Variants in SVOP observed in about 807,000 individuals in gnomAD.
The protein encoded by SVOP is synaptic vesicle 2-related protein.
In SVOP, 17 loss-of-function variants were observed where a neutral mutation model predicts 69.1. The ratio of observed to expected loss-of-function variants is 0.25; its 90% CI spans 0.17 to 0.37. SVOP has a LOEUF of 0.37. Among genes scored for constraint, SVOP ranks in the 10% least tolerant of loss-of-function variants. The pLI, the probability that SVOP is intolerant of heterozygous loss-of-function variation, is 1.00. For missense variants in SVOP, 435 were observed against 597.5 expected (o/e 0.73, Z 2.84); for synonymous variants, 238 against 238.6 (o/e 1.00, Z 0.02).
chr12:109,002,583 A>T (rs2040278318), intron 1 of SVOP, among the ~76,000 whole-genome samples: 1 of 150,540 alleles, frequency 6.6e-6, no homozygotes, highest in African/African-American at 2.4e-5. Flanking sequence ...GATAGACTGG[A>T]TTAAGAAAAT....
chr12:108,983,110 C>A (rs890769429), intron 2 of SVOP, among the ~76,000 whole-genome samples: 3 of 150,534 alleles, frequency 2.0e-5, no homozygotes, highest in South Asian at 2.1e-4. Context: ...TCACCATCAT[C>A]ATAATCACCA....
chr12:108,952,692 A>C (rs922034706), intron 6 of SVOP, among the ~76,000 whole-genome samples: 5 of 152,088 alleles, frequency 3.3e-5, no homozygotes, highest in Admixed American at 6.6e-5. Context: ...AGCCCATCTC[A>C]ACAAAAAATT....
chr12:108,997,153 C>T (rs1402445326), intron 1 of SVOP, among the ~76,000 whole-genome samples: 1 of 151,320 alleles, frequency 6.6e-6, no homozygotes, highest in African/African-American at 2.4e-5. Context: ...ACTTGGGAAG[C>T]GCAAGGGGTC....
intron 11 of SVOP, among the ~76,000 whole-genome samples, chr12:108,924,860 T>C (rs543604106): frequency 2.6e-5 from 4 of 152,254 alleles, no homozygotes; most frequent in Non-Finnish European, 4.4e-5. Flanking sequence ...CTGACCACCA[T>C]TGAGTAGACA....
intron 11 of SVOP, among the ~76,000 whole-genome samples, chr12:108,929,594 C>T (rs978581215): frequency 6.6e-6 from 1 of 152,178 alleles, no homozygotes; most frequent in African/African-American, 2.4e-5. Flanking sequence ...CGAGTATGAG[C>T]CTGGCCCAGC....
At chr12:108,982,017 C>T (rs2040138215) in intron 2 of SVOP, among the ~76,000 whole-genome samples, 2 of 151,616 alleles carry the variant, frequency 1.3e-5, no homozygotes, top group African/African-American at 4.9e-5. Context: ...CTACCATCAT[C>T]ATCATCACCA....
intron 1 of SVOP, among the ~76,000 whole-genome samples, chr12:108,996,596 T>G (rs1434155216): frequency 6.6e-6 from 1 of 151,634 alleles, no homozygotes; most frequent in Non-Finnish European, 1.5e-5. Context: ...AGTGTGGTTC[T>G]GAACCAGAGG....
chr12:108,979,596 C>A (rs996753587), intron 2 of SVOP, among the ~76,000 whole-genome samples: 1 of 152,086 alleles, frequency 6.6e-6, no homozygotes, highest in Admixed American at 6.6e-5. Context: ...AAGATGTGCA[C>A]ACTATATTGT....
At chr12:108,917,689 C>A (rs2039722507) in intron 14 of SVOP, among the ~76,000 whole-genome samples, 1 of 150,526 alleles carries the variant, frequency 6.6e-6, no homozygotes, top group African/African-American at 2.4e-5. Context: ...ATTGCCCAGG[C>A]TGGAGTACAG....
intron 8 of SVOP, among the ~76,000 whole-genome samples, chr12:108,939,451 CAG>C (rs1055768383): frequency 1.2e-4 from 19 of 152,128 alleles, no homozygotes; most frequent in African/African-American, 4.6e-4. Context: ...AGAAAGAAAT[CAG>C]AAAGATTTTT....
At chr12:108,963,844 A>T (rs750547709) in intron 5 of SVOP, among the ~76,000 whole-genome samples, 3 of 152,192 alleles carry the variant, frequency 2.0e-5, no homozygotes, top group Non-Finnish European at 4.4e-5. Flanking sequence ...CTCTCTATTT[A>T]ACACAGAAGG....
rs1404894944 is a variant in SVOP at position 108,910,607 on chromosome 12, AG to A, written c.*1927del. 6.6e-6 allele frequency: 1 copy of A among 152,258 alleles called. No homozygotes were observed. Among genetic ancestry groups the A allele is most frequent in the Non-Finnish European group, 1.5e-5 (1 of 68,054 alleles). 9.4% of individuals were successfully genotyped at this position (152,258 alleles called of 1,614,324 possible). ...CAACTGCCTGGGCGGAGGGGGCTGC[AG>A]CCCACATTTTAGAGACACAGTATTG... On this transcript the variant is annotated 3_prime_UTR_variant, in exon 16 of 16. Transcript: ENST00000610966.
Position 108,937,317 on chromosome 12 carries a change from C to T in SVOP, c.918G>A (p.Arg306=), listed in dbSNP as rs758606673. The change falls in exon 10 of 16, where the codon AGG becomes AGA. Residue 306 remains arginine, a synonymous_variant. Transcript: ENST00000610966. ...ISRQEDRGKM[R]DLFTPHFRWT... ...ATCTAAAATGGGGTGTGAAAAGGTC[C>T]CTCATTTTGCCTCGGTCTTCCTGTT... is the stretch of plus-strand genomic sequence containing the variant. 4 of 1,613,742 alleles carry T rather than the reference C, an allele frequency of 2.5e-6. No homozygotes were observed. The South Asian group carries it at 4.4e-5, about 18-fold the overall frequency.
intron 6 of SVOP, among the ~76,000 whole-genome samples, chr12:108,945,565 T>C (rs1360125986): frequency 6.6e-6 from 1 of 151,954 alleles, no homozygotes; most frequent in Non-Finnish European, 1.5e-5. Flanking sequence ...CTAATTATTA[T>C]TATTATGATT....
intron 11 of SVOP, among the ~76,000 whole-genome samples, chr12:108,929,644 T>C (rs543209499): frequency 6.6e-6 from 1 of 152,188 alleles, no homozygotes; most frequent in Non-Finnish European, 1.5e-5. Context: ...AACCATCTTA[T>C]CCTTGACATT....
rs1337860905 is a variant in SVOP at position 108,933,611 on chromosome 12, C to T, written c.1048+584G>A. ...AGGAGGATTGCTTGAACCCAGGAAG[C>T]GGAGGCTGCAGTGAGCTGAGATCAA... On this transcript the variant is annotated intron_variant, in intron 11 of 15. Transcript: ENST00000610966. 4.0e-5 allele frequency among the ~76,000 whole-genome samples: 6 copies of T among 151,106 alleles called. No homozygotes were observed. In the East Asian group the frequency reaches 5.8e-4, roughly 15 times the overall value.
rs879745862 is a variant in SVOP, at chr12:108,908,725, C to A, written c.*3810G>T. On this transcript the variant is annotated 3_prime_UTR_variant, in exon 16 of 16. Coordinates refer to ENST00000610966, the MANE Select transcript of SVOP (RefSeq NM_018711.5). ...GCCACGAAAACAGTGCTGATGAGAG[C>A]TCTGTGGCCTACACATCCACGGCAG... 5.3e-5 allele frequency: 8 copies of A among 152,222 alleles called. No homozygotes were observed. Among genetic ancestry groups the A allele is most frequent in the Non-Finnish European group, 1.0e-4 (7 of 68,048 alleles). The allele number at this position is 152,222 out of a possible 1,614,324, so 9.4% of individuals were successfully genotyped here. A position where few individuals can be genotyped will look rare whatever the true frequency, so the allele number is the denominator to read the frequency against.
At chr12:109,014,810 A>G (rs2040359533) in intron 1 of SVOP, among the ~76,000 whole-genome samples, 1 of 151,842 alleles carries the variant, frequency 6.6e-6, no homozygotes, top group African/African-American at 2.4e-5. Context: ...CAGCCTCAAA[A>G]CCCTGGGCTC....
intron 12 of SVOP, 51 bp downstream of exon 12, chr12:108,922,639 C>A: frequency 2.9e-6 from 4 of 1,375,724 alleles, no homozygotes; most frequent in Non-Finnish European, 3.1e-6. Flanking sequence ...TGAACAATTG[C>A]CATATTCCCA....
Sources: gnomAD v4.1 joint callset for allele counts (sites outside exome capture counted in the v4.1 genomes callset) on GRCh38, gnomAD v4.1.1 for gene constraint, MANE v1.5 for transcripts, NCBI Gene and HGNC (gene_info 2026-07-23, HGNC 2026-07-21) for gene names.